The following INVS variants were observed in gnomAD, a reference collection of about 807,000 sequenced individuals.
INVS encodes inversion of embryo turning homolog.
Under a neutral mutation model 108.8 loss-of-function variants are expected in INVS, and 86 were observed. That is an observed-to-expected ratio of 0.79 (90% CI 0.66 to 0.95). The LOEUF is 0.95. Ranked by LOEUF, INVS falls within the 40% of genes least tolerant of loss-of-function variation. The probability of loss-of-function intolerance (pLI) is 0.00; values close to 1 mark genes in which losing one functional copy is unlikely to be tolerated. For synonymous variants in INVS, 455 were observed against 473.5 expected (o/e 0.96, Z 0.51); for missense variants, 1,169 against 1,297.4 (o/e 0.90, Z 1.52).
intron 3 of INVS, among the ~76,000 whole-genome samples, chr9:100,195,393 G>C (rs1002740665): frequency 6.6e-6 from 1 of 152,056 alleles, no homozygotes; most frequent in Admixed American, 6.6e-5. Flanking sequence ...TGTTGCCCAG[G>C]CTACACTTGA....
Position 100,264,866 on chromosome 9 carries a change from T to C in INVS, c.1509T>C (p.Asp503=). The change falls in exon 11 of 17, where the codon GAT becomes GAC. Residue 503 remains aspartate, a synonymous_variant. Coordinates refer to ENST00000262457, the MANE Select transcript of INVS (RefSeq NM_014425.5). The part of the protein sequence containing the change: ...LHWSCNNGYL[D]AIKLLLDFAA... Reference sequence around the variant, plus strand: ...GGTCCTGCAACAATGGATACCTTGATGCCATTAAATTACTGCTAGACTTTG... The same window carrying C: ...GGTCCTGCAACAATGGATACCTTGACGCCATTAAATTACTGCTAGACTTTG... 1 of 1,614,004 alleles carries C rather than the reference T, an allele frequency of 6.2e-7. No individual in the cohort carries two copies. Among genetic ancestry groups the C allele is most frequent in the Non-Finnish European group, 8.5e-7 (1 of 1,179,882 alleles).
At chr9:100,203,872 A>G (rs1284025123) in intron 3 of INVS, among the ~76,000 whole-genome samples, 1 of 152,154 alleles carries the variant, frequency 6.6e-6, no homozygotes, top group Non-Finnish European at 1.5e-5. Flanking sequence ...GAACTACTGC[A>G]TGTTTCTCCT....
intron 3 of INVS, among the ~76,000 whole-genome samples, chr9:100,174,999 G>T (rs1398160643): frequency 6.6e-6 from 1 of 152,136 alleles, no homozygotes; most frequent in Non-Finnish European, 1.5e-5. Flanking sequence ...CAGCCAAAGG[G>T]CTGAACTGAG....
At chr9:100,256,366 G>C (rs1225902870) in intron 10 of INVS, among the ~76,000 whole-genome samples, 3 of 151,948 alleles carry the variant, frequency 2.0e-5, no homozygotes, top group Non-Finnish European at 4.4e-5. Context: ...AAAAAAACCA[G>C]CTCCTGGATT....
At chr9:100,163,857 A>G (rs562750275) in intron 3 of INVS, among the ~76,000 whole-genome samples, 1 of 152,340 alleles carries the variant, frequency 6.6e-6, no homozygotes, top group African/African-American at 2.4e-5. Flanking sequence ...CAGAGATCAC[A>G]GAAGGCCTGT....
At chr9:100,254,380 G>C (rs1460887148) in intron 10 of INVS, among the ~76,000 whole-genome samples, 2 of 152,186 alleles carry the variant, frequency 1.3e-5, no homozygotes, top group Non-Finnish European at 2.9e-5. Flanking sequence ...TGTTCACTCT[G>C]ATGGTAGTTT....
At chr9:100,253,999 C>T (rs536621612) in intron 10 of INVS, among the ~76,000 whole-genome samples, 9 of 152,170 alleles carry the variant, frequency 5.9e-5, no homozygotes, top group Non-Finnish European at 1.2e-4. Flanking sequence ...ACACTGTCTT[C>T]CACAATGGTT....
At chr9:100,291,424 T>C (rs1280983866) in intron 13 of INVS, among the ~76,000 whole-genome samples, 2 of 152,212 alleles carry the variant, frequency 1.3e-5, no homozygotes, top group Non-Finnish European at 2.9e-5. Context: ...TTTAAACTTC[T>C]TTTGTGTGTT....
At chr9:100,206,402 A>C (rs976518879) in intron 3 of INVS, among the ~76,000 whole-genome samples, 2 of 151,994 alleles carry the variant, frequency 1.3e-5, no homozygotes, top group African/African-American at 4.8e-5. Flanking sequence ...TATAATCTCA[A>C]ATTTACAGAA....
chr9:100,145,507 CA>C (rs1055782949), intron 3 of INVS, among the ~76,000 whole-genome samples: 3 of 151,542 alleles, frequency 2.0e-5, no homozygotes, highest in South Asian at 2.1e-4. Context: ...AATAAGGGAT[CA>C]GGGGGTTCTT....
At chr9:100,119,554 A>G (rs1827657673) in intron 2 of INVS, among the ~76,000 whole-genome samples, 1 of 152,196 alleles carries the variant, frequency 6.6e-6, no homozygotes, top group Non-Finnish European at 1.5e-5. Flanking sequence ...CCCACTGCAC[A>G]TTGGCAGAAT....
At chr9:100,186,993 C>T (rs1397799098) in intron 3 of INVS, among the ~76,000 whole-genome samples, 1 of 151,962 alleles carries the variant, frequency 6.6e-6, no homozygotes, top group Non-Finnish European at 1.5e-5. Context: ...GGTTTCAGGT[C>T]TTAGATTTCA....
intron 3 of INVS, among the ~76,000 whole-genome samples, chr9:100,185,516 AATATATATATATATAT>A (rs35603398): frequency 0.41 from 45,301 of 110,878 alleles, 9,020 homozygotes; most frequent in Non-Finnish European, 0.44. Flanking sequence ...TATGCATAGA[AATATATATATATATAT>A]ATATATATAT....
At chr9:100,177,805 TC>T (rs1829764666) in intron 3 of INVS, among the ~76,000 whole-genome samples, 1 of 152,158 alleles carries the variant, frequency 6.6e-6, no homozygotes, top group South Asian at 2.1e-4. Flanking sequence ...TTCAAGTGGG[TC>T]CCTGATTCCG....
At chr9:100,202,132 A>T (rs1248253880) in intron 3 of INVS, among the ~76,000 whole-genome samples, 1 of 151,542 alleles carries the variant, frequency 6.6e-6, no homozygotes, top group Non-Finnish European at 1.5e-5. Flanking sequence ...GCATCTGCAG[A>T]TGTGCACTGA....
At chr9:100,122,498 C>G (rs1005894721) in intron 2 of INVS, among the ~76,000 whole-genome samples, 1 of 147,328 alleles carries the variant, frequency 6.8e-6, no homozygotes, top group Admixed American at 6.8e-5. Context: ...CTCCAGCTTT[C>G]ATTTCATTAG....
intron 3 of INVS, among the ~76,000 whole-genome samples, chr9:100,144,549 G>T: frequency 6.6e-6 from 1 of 152,086 alleles, no homozygotes; most frequent in East Asian, 1.9e-4. Flanking sequence ...GGGAGAGGTC[G>T]GATAAAGAAA....
chr9:100,152,132 T>C (rs565650255), intron 3 of INVS, among the ~76,000 whole-genome samples: 22 of 152,332 alleles, frequency 1.4e-4, no homozygotes, highest in African/African-American at 4.1e-4. Context: ...ACCACTGTTA[T>C]ACCACCTTTT....
rs377419662 is a variant in INVS at position 100,100,907 on chromosome 9, A to G, written c.-25+1491A>G. On this transcript the variant is annotated intron_variant, in intron 1 of 16. Transcript: ENST00000262457. ...TATATAATATATATTATATATGTAT[A>G]TATATTATATGTATATATATAATAT... is the stretch of plus-strand genomic sequence containing the variant. Among the ~76,000 whole-genome samples, 18 of 50,012 alleles carry G rather than the reference A, an allele frequency of 3.6e-4. 2 individuals carry two copies. In the East Asian group the frequency reaches 8.4e-3, roughly 23 times the overall value. The allele number at this position is 50,012 out of a possible 152,430, so 32.8% of individuals were successfully genotyped here.
Sources: allele counts gnomAD v4.1 joint callset (sites outside exome capture counted in the v4.1 genomes callset), GRCh38; gene constraint gnomAD v4.1.1; transcripts MANE v1.5; gene names NCBI Gene and HGNC (gene_info 2026-07-23, HGNC 2026-07-21).